Variants in PRR30 observed in about 807,000 individuals in gnomAD.
The protein encoded by PRR30 is proline rich 30.
For missense variants in PRR30, 546 were observed against 525.3 expected, an observed-to-expected ratio of 1.04 and a Z score of -0.39; for synonymous variants, 229 against 222.7, an observed-to-expected ratio of 1.03 and a Z score of -0.25.
In PRR30 at chr2:27,137,951, A is replaced by C. The variant is rs1558483594; in HGVS notation, c.379T>G (p.Ser127Ala). The C allele has an allele frequency of 6.2e-7, 1 of 1,610,230 alleles. No individual in the cohort carries two copies. Among genetic ancestry groups the C allele is most frequent in the Non-Finnish European group, 8.5e-7 (1 of 1,178,322 alleles). Reference protein sequence around the residue: ...WLYPSPPLTPSFSPSQPQNSS... With the variant: ...WLYPSPPLTPAFSPSQPQNSS... ...TTCTGAGGCTGGGAGGGAGAAAAGG[A>C]AGGGGTCAGAGGGGGAGAGGGGTAC... Residue 127 changes from serine to alanine, a missense_variant, in exon 3 of 3, where the codon TCC becomes GCC. Transcript: ENST00000335524. The surrounding 1 kb of genome is among the most constrained non-coding windows in gnomAD (Gnocchi z 4.3).
rs1395301465 is a variant in PRR30 at position 27,137,107 on chromosome 2, T to C, written c.1223A>G (p.Gln408Arg). The C allele has an allele frequency of 3.1e-6, 5 of 1,614,072 alleles. No individual in the cohort carries two copies. Among genetic ancestry groups the C allele is most frequent in the South Asian group, 1.1e-5 (1 of 91,084 alleles). The change falls in exon 3 of 3, where the codon CAA (glutamine) becomes CGA (arginine). Residue 408 changes from glutamine to arginine, a missense_variant. By Grantham distance (43) the Gln-to-Arg change is conservative. Transcript: ENST00000335524. The surrounding 1 kb of genome is among the most constrained non-coding windows in gnomAD (Gnocchi z 4.3). ...GCTCTGGAACTAGACTGATGACTTTTGGAGAATGAGCTCCAGAGAAACTGG... is the reference window on the plus strand; with the variant it reads ...GCTCTGGAACTAGACTGATGACTTTCGGAGAATGAGCTCCAGAGAAACTGG... ...KRPVSLELILQKSSV is the reference protein window; with the variant it reads ...KRPVSLELILRKSSV
Position 27,137,109 on chromosome 2 carries a change from G to C in PRR30, c.1221C>G (p.Leu407=). ...PKRPVSLELI[L]QKSSV Reference sequence around the variant, plus strand: ...TCTGGAACTAGACTGATGACTTTTGGAGAATGAGCTCCAGAGAAACTGGCC... The same window carrying C: ...TCTGGAACTAGACTGATGACTTTTGCAGAATGAGCTCCAGAGAAACTGGCC... The change falls in exon 3 of 3, where the codon CTC becomes CTG. Residue 407 remains leucine, a synonymous_variant. Coordinates refer to ENST00000335524, the MANE Select transcript of PRR30 (RefSeq NM_178553.4). The surrounding 1 kb of genome is among the most constrained non-coding windows in gnomAD (Gnocchi z 4.3). The C allele has an allele frequency of 6.2e-7, 1 of 1,614,120 alleles. No individual in the cohort carries two copies. Among genetic ancestry groups the C allele is most frequent in the Non-Finnish European group, 8.5e-7 (1 of 1,180,004 alleles).
chr2:27,138,252 T>C lies in PRR30; in HGVS notation c.78A>G (p.Gln26=). The C allele has an allele frequency of 3.7e-6, 6 of 1,613,744 alleles. No individual in the cohort carries two copies. Among genetic ancestry groups the C allele is most frequent in the Non-Finnish European group, 5.1e-6 (6 of 1,179,928 alleles). Residue 26 remains glutamine (Q), a synonymous_variant, in exon 3 of 3, where the codon CAA becomes CAG. Coordinates refer to ENST00000335524, the MANE Select transcript of PRR30 (RefSeq NM_178553.4). ...LPGRPTWGFS[Q]LVDSSPHNLQ... ...GGTTGTGAGGAGAGGAGTCCACAAG[T>C]TGTGAGAAGCCCCAAGTGGGGCGCC...
Position 27,137,808 on chromosome 2 carries a change from C to T in PRR30, c.522G>A (p.Gln174=), listed in dbSNP as rs1572353316. 1 of 1,604,754 alleles carries T rather than the reference C, an allele frequency of 6.2e-7. No individual in the cohort carries two copies. The highest frequency in any genetic ancestry group is 8.5e-7 in the Non-Finnish European group (1 of 1,173,376). The change falls in exon 3 of 3, where the codon CAG becomes CAA. Residue 174 remains glutamine, a synonymous_variant. Transcript: ENST00000335524. The surrounding 1 kb of genome is among the most constrained non-coding windows in gnomAD (Gnocchi z 4.3). The stretch of plus-strand genomic sequence containing the variant: ...CCCTGTACTGATGCCAGCGCCATGT[C>T]TGCCTGTTAGAGTGGAGCCTATGAG... The part of the protein sequence containing the change: ...PPSHRLHSNR[Q]TWRWHQYRDT...
In PRR30 at chr2:27,136,912, T is replaced by C; in HGVS notation, c.*179A>G. ...AATGGGGCCTTGGTGCCCTTGGTCCTCTTCAGCCTGGAGACAGCAGACTCC... is the reference window on the plus strand; with the variant it reads ...AATGGGGCCTTGGTGCCCTTGGTCCCCTTCAGCCTGGAGACAGCAGACTCC... On this transcript the variant is annotated 3_prime_UTR_variant, in exon 3 of 3. Transcript: ENST00000335524. 1 of 855,368 alleles carries C rather than the reference T, an allele frequency of 1.2e-6. No individual in the cohort carries two copies. The highest frequency in any genetic ancestry group is 1.8e-6 in the Non-Finnish European group (1 of 570,752). 53.0% of individuals were successfully genotyped at this position (855,368 alleles called of 1,614,324 possible).
Position 27,138,243 on chromosome 2 carries a change from G to A in PRR30, c.87C>T (p.Asp29=), listed in dbSNP as rs1672552030. 6.2e-7 allele frequency: 1 copy of A among 1,614,014 alleles called. No individual in the cohort carries two copies. The highest frequency in any genetic ancestry group is 8.5e-7 in the Non-Finnish European group (1 of 1,180,010). The part of the protein sequence containing the change: ...RPTWGFSQLV[D]SSPHNLQPLS... ...GAGGCTGTAGGTTGTGAGGAGAGGA[G>A]TCCACAAGTTGTGAGAAGCCCCAAG... The change falls in exon 3 of 3, where the codon GAC becomes GAT. Residue 29 remains aspartate, a synonymous_variant. Transcript: ENST00000335524.
chr2:27,137,656 G>A lies in PRR30; in HGVS notation c.674C>T (p.Ala225Val). The change falls in exon 3 of 3, where the codon GCA becomes GTA. Residue 225 changes from alanine to valine, a missense_variant. By Grantham distance (64) the Ala-to-Val change is moderately conservative. Coordinates refer to ENST00000335524, the MANE Select transcript of PRR30 (RefSeq NM_178553.4). The surrounding 1 kb of genome is among the most constrained non-coding windows in gnomAD (Gnocchi z 4.3). ...CAAAAGCAGTAGCCGCAGGTCGTGT[G>A]CGATGCGGCGGTGCCCCAGCTGGAC... Reference protein sequence around the residue: ...LVVQLGHRRIAHDLRLLLLQH... With the variant: ...LVVQLGHRRIVHDLRLLLLQH... The A allele has an allele frequency of 1.2e-6, 2 of 1,613,100 alleles. No individual in the cohort carries two copies. Among genetic ancestry groups the A allele is most frequent in the Non-Finnish European group, 1.7e-6 (2 of 1,179,930 alleles).
At position 27,137,409 on chromosome 2, in the gene PRR30, G is replaced by T. The variant is rs760577922; in HGVS notation, c.921C>A (p.Ala307=). The change falls in exon 3 of 3, where the codon GCC becomes GCA. Residue 307 remains alanine, a synonymous_variant. Coordinates refer to ENST00000335524, the MANE Select transcript of PRR30 (RefSeq NM_178553.4). The surrounding 1 kb of genome is among the most constrained non-coding windows in gnomAD (Gnocchi z 4.3). ...TCTCGGGCAGCAGATGCAAGGCCCT[G>T]GCCTGGCCCTGAGGCAGGCGGAGGC... ...GFGLRLPQGQ[A]RALHLLPEKR... 3.1e-6 allele frequency: 5 copies of T among 1,613,482 alleles called. No homozygotes were observed. Among genetic ancestry groups the T allele is most frequent in the Middle Eastern group, 1.6e-4 (1 of 6,082 alleles).
rs776295484 is a variant in PRR30 at position 27,137,998 on chromosome 2, G to T, written c.332C>A (p.Ser111Tyr). 1.2e-6 allele frequency: 2 copies of T among 1,612,870 alleles called. No homozygotes were observed. Among genetic ancestry groups the T allele is most frequent in the South Asian group, 1.1e-5 (1 of 90,946 alleles). The change falls in exon 3 of 3, where the codon TCC becomes TAC. Residue 111 changes from serine to tyrosine, a missense_variant. Physicochemically the swap from Ser to Tyr is moderately radical, Grantham distance 144. Coordinates refer to ENST00000335524, the MANE Select transcript of PRR30 (RefSeq NM_178553.4). This position sits in a 1 kb window ranked among gnomAD's most constrained non-coding sequence, Gnocchi z 4.3. Reference sequence around the variant, plus strand: ...GTACAGCCAGTGGTTGGAGGGAGAGGATGCACGTGGACGGGGGAGAGAGAG... The same window carrying T: ...GTACAGCCAGTGGTTGGAGGGAGAGTATGCACGTGGACGGGGGAGAGAGAG... ...NYLSLPRPRA[S>Y]SPSNHWLYPS...
Position 27,137,953 on chromosome 2 carries a change from G to C in PRR30, c.377C>G (p.Pro126Arg), listed in dbSNP as rs374934991. The C allele has an allele frequency of 6.8e-6, 11 of 1,610,126 alleles. No homozygotes were observed. Among genetic ancestry groups the C allele is most frequent in the Non-Finnish European group, 8.5e-6 (10 of 1,178,282 alleles). Residue 126 changes from proline (P) to arginine (R), a missense_variant, in exon 3 of 3, where the codon CCT (proline) becomes CGT (arginine). Physicochemically the swap from Pro to Arg is moderately radical, Grantham distance 103 (BLOSUM62 -2). Transcript: ENST00000335524. The surrounding 1 kb of genome is among the most constrained non-coding windows in gnomAD (Gnocchi z 4.3). ...HWLYPSPPLTPSFSPSQPQNS... is the reference protein window; with the variant it reads ...HWLYPSPPLTRSFSPSQPQNS... Reference sequence around the variant, plus strand: ...CTGAGGCTGGGAGGGAGAAAAGGAAGGGGTCAGAGGGGGAGAGGGGTACAG... The same window carrying C: ...CTGAGGCTGGGAGGGAGAAAAGGAACGGGTCAGAGGGGGAGAGGGGTACAG...
chr2:27,136,976 T>C lies in PRR30; in HGVS notation c.*115A>G. 1 of 1,404,830 alleles carries C rather than the reference T, an allele frequency of 7.1e-7. No homozygotes were observed. Among genetic ancestry groups the C allele is most frequent in the Non-Finnish European group, 9.4e-7 (1 of 1,059,486 alleles). The allele number at this position is 1,404,830 out of a possible 1,614,324, so 87.0% of individuals were successfully genotyped here. On this transcript the variant is annotated 3_prime_UTR_variant, in exon 3 of 3. Transcript: ENST00000335524. Reference sequence around the variant, plus strand: ...AGGGTTCAGAGCAGGAGAACACACCTGACCTCCGGCCAGCCAGCCCTTCAG... The same window carrying C: ...AGGGTTCAGAGCAGGAGAACACACCCGACCTCCGGCCAGCCAGCCCTTCAG...
chr2:27,138,680 C>A lies in PRR30; in HGVS notation c.-351G>T, dbSNP rs920332655. 16 of 278,736 alleles carry A rather than the reference C, an allele frequency of 5.7e-5. No individual in the cohort carries two copies. Among genetic ancestry groups the A allele is most frequent in the Non-Finnish European group, 1.0e-4 (14 of 139,040 alleles). 17.3% of individuals were successfully genotyped at this position (278,736 alleles called of 1,614,324 possible). A position where few individuals can be genotyped will look rare whatever the true frequency, so the allele number is the denominator to read the frequency against. On this transcript the variant is annotated 5_prime_UTR_variant, in exon 3 of 3. Transcript: ENST00000335524. ...TATCTGGGTGGGGCAGAGAGGAAGA[C>A]AAAGCCCATAGGACCTGGAGAGAAA...
rs151021750 is a variant in PRR30 at position 27,137,293 on chromosome 2, C to G, written c.1037G>C (p.Arg346Pro). 1 of 1,614,080 alleles carries G rather than the reference C, an allele frequency of 6.2e-7. No individual in the cohort carries two copies. Among genetic ancestry groups the G allele is most frequent in the African/African-American group, 1.3e-5 (1 of 74,916 alleles). Residue 346 changes from arginine (R) to proline (P), a missense_variant, in exon 3 of 3, where the codon CGG (arginine) becomes CCG (proline). Coordinates refer to ENST00000335524, the MANE Select transcript of PRR30 (RefSeq NM_178553.4). The surrounding 1 kb of genome is among the most constrained non-coding windows in gnomAD (Gnocchi z 4.3). Reference protein sequence around the residue: ...PASQPPAAQARADPVPGTPSQ... With the variant: ...PASQPPAAQAPADPVPGTPSQ... ...GGGTGTGCCTGGGACTGGGTCGGCC[C>G]GGGCCTGAGCTGCTGGAGGCTGAGA...
Position 27,137,736 on chromosome 2 carries a change from G to A in PRR30, c.594C>T (p.Ser198=), listed in dbSNP as rs1050563892. Residue 198 remains serine (S), a synonymous_variant, in exon 3 of 3, where the codon AGC becomes AGT. Transcript: ENST00000335524. The surrounding 1 kb of genome is among the most constrained non-coding windows in gnomAD (Gnocchi z 4.3). ...SPGVVERCVP[S]EKDPAQFRDP... ...CCCTGAACTGTGCAGGATCCTTCTC[G>A]CTTGGCACGCATCTCTCCACCACTC... The A allele has an allele frequency of 2.5e-6, 4 of 1,614,092 alleles. No individual in the cohort carries two copies. The highest frequency in any genetic ancestry group is 2.2e-5 in the East Asian group (1 of 44,882).
In PRR30 at chr2:27,137,400, C is replaced by A; in HGVS notation, c.930G>T (p.Leu310Phe). 1 of 1,613,754 alleles carries A rather than the reference C, an allele frequency of 6.2e-7. No individual in the cohort carries two copies. Among genetic ancestry groups the A allele is most frequent in the South Asian group, 1.1e-5 (1 of 91,086 alleles). The change falls in exon 3 of 3, where the codon TTG (leucine) becomes TTT (phenylalanine). Residue 310 changes from leucine to phenylalanine, a missense_variant. Coordinates refer to ENST00000335524, the MANE Select transcript of PRR30 (RefSeq NM_178553.4). This position sits in a 1 kb window ranked among gnomAD's most constrained non-coding sequence, Gnocchi z 4.3. Reference protein sequence around the residue: ...LRLPQGQARALHLLPEKRPKE... With the variant: ...LRLPQGQARAFHLLPEKRPKE... ...TCGGCCTTTTCTCGGGCAGCAGATGCAAGGCCCTGGCCTGGCCCTGAGGCA... is the reference window on the plus strand; with the variant it reads ...TCGGCCTTTTCTCGGGCAGCAGATGAAAGGCCCTGGCCTGGCCCTGAGGCA...
Position 27,138,394 on chromosome 2 carries a change from C to T in PRR30, c.-65G>A, listed in dbSNP as rs779428124. ...GATAAGAGACCTGGCAGAGTCAGGA[C>T]CAGTATCTCTGAGGTCAGCTGTGCC... On this transcript the variant is annotated 5_prime_UTR_variant, in exon 3 of 3. Coordinates refer to ENST00000335524, the MANE Select transcript of PRR30 (RefSeq NM_178553.4). 3.5e-5 allele frequency: 54 copies of T among 1,525,092 alleles called. No individual in the cohort carries two copies. The highest frequency in any genetic ancestry group is 4.1e-5 in the Non-Finnish European group (47 of 1,138,978). The allele number at this position is 1,525,092 out of a possible 1,614,324, so 94.5% of individuals were successfully genotyped here. A position where few individuals can be genotyped will look rare whatever the true frequency, so the allele number is the denominator to read the frequency against.
At position 27,138,504 on chromosome 2, in the gene PRR30, C is replaced by T; in HGVS notation, c.-175G>A. The T allele has an allele frequency of 7.7e-7, 1 of 1,301,170 alleles. No homozygotes were observed. The highest frequency in any genetic ancestry group is 1.0e-6 in the Non-Finnish European group (1 of 973,856). 80.6% of individuals were successfully genotyped at this position (1,301,170 alleles called of 1,614,324 possible). Reference sequence around the variant, plus strand: ...GTGCTGGTGGCAGGCCAAGGGGATACCCAGCCCTCCAGCACCAGGCTCTCA... The same window carrying T: ...GTGCTGGTGGCAGGCCAAGGGGATATCCAGCCCTCCAGCACCAGGCTCTCA... On this transcript the variant is annotated 5_prime_UTR_variant, in exon 3 of 3. Coordinates refer to ENST00000335524, the MANE Select transcript of PRR30 (RefSeq NM_178553.4).
At chr2:27,139,269 G>A (rs1672565218) in intron 1 of PRR30, 34 bp downstream of exon 1, 1 of 152,528 alleles carries the variant, frequency 6.6e-6, no homozygotes, top group Non-Finnish European at 1.5e-5. Context: ...TAGTGCTGAT[G>A]TCCTCTAGCT....
At position 27,138,459 on chromosome 2, in the gene PRR30, C is replaced by G. The variant is rs1256930252; in HGVS notation, c.-130G>C. On this transcript the variant is annotated 5_prime_UTR_variant, in exon 3 of 3. Transcript: ENST00000335524. Reference sequence around the variant, plus strand: ...CACCTTCTGTGCGCAGAGCGTGGCTCCAGCCTGGTGTGGGTGCAGGTGCTG... The same window carrying G: ...CACCTTCTGTGCGCAGAGCGTGGCTGCAGCCTGGTGTGGGTGCAGGTGCTG... 2.1e-6 allele frequency: 3 copies of G among 1,450,934 alleles called. No individual in the cohort carries two copies. Among genetic ancestry groups the G allele is most frequent in the South Asian group, 1.5e-5 (1 of 65,122 alleles). The allele number at this position is 1,450,934 out of a possible 1,614,324, so 89.9% of individuals were successfully genotyped here.
Sources: allele counts gnomAD v4.1 joint callset, GRCh38; gene constraint gnomAD v4.1.1; non-coding constraint Gnocchi (gnomAD v3.1); transcripts MANE v1.5; gene names NCBI Gene and HGNC (gene_info 2026-07-23, HGNC 2026-07-21).